Variants in FRYL observed in about 807,000 individuals in gnomAD.
FRYL encodes FRY like transcription coactivator.
In FRYL, 150 loss-of-function variants were observed where a neutral mutation model predicts 351.2. That is an observed-to-expected ratio of 0.43 (90% CI 0.37 to 0.49). The LOEUF (loss-of-function observed/expected upper bound fraction) is 0.49. Among genes scored for constraint, FRYL ranks in the 20% least tolerant of loss-of-function variants. The pLI is 0.00. For synonymous variants in FRYL, 1,153 were observed against 1,257.1 expected (o/e 0.92, Z 1.75); for missense variants, 3,036 against 3,619.3 (o/e 0.84, Z 4.13).
intron 1 of FRYL, among the ~76,000 whole-genome samples, chr4:48,715,150 A>T (rs965986846): frequency 2.6e-5 from 4 of 151,936 alleles, no homozygotes; most frequent in African/African-American, 9.7e-5. Flanking sequence ...TCTATGACAA[A>T]CCCACAGCCC....
chr4:48,549,442 C>A lies in FRYL; in HGVS notation c.4784+31G>T. 2 of 1,576,936 alleles carry A rather than the reference C, an allele frequency of 1.3e-6. No homozygotes were observed. The highest frequency in any genetic ancestry group is 8.6e-7 in the Non-Finnish European group (1 of 1,158,408). ...GACAGTGTTCAGCAGCAACTTGGTG[C>A]ATATGTAAAAGGAATGACGCTGTAG... On this transcript the variant is annotated intron_variant, in intron 39 of 63. Coordinates refer to ENST00000358350, the MANE Select transcript of FRYL (RefSeq NM_015030.2). The surrounding 1 kb of genome is among the most constrained non-coding windows in gnomAD (Gnocchi z 4.2).
Position 48,500,190 on chromosome 4 carries a change from G to T in FRYL, c.8623C>A (p.Leu2875Met), listed in dbSNP as rs1368450219. Reference sequence around the variant, plus strand: ...TCAGCTTCTTTGAGGATACTTTCCAGTTGGGCAAGTTCCTCTGACATGTTG... The same window carrying T: ...TCAGCTTCTTTGAGGATACTTTCCATTTGGGCAAGTTCCTCTGACATGTTG... Reference protein sequence around the residue: ...VINMSEELAQLESILKEAESA... With the variant: ...VINMSEELAQMESILKEAESA... Residue 2875 changes from leucine (L) to methionine (M), a missense_variant, in exon 63 of 64, where the codon CTG (leucine) becomes ATG (methionine). This residue lies in a region of FRYL where 1,987 missense variants were observed against 2,311.7 expected (regional missense o/e 0.86). Transcript: ENST00000358350. The T allele has an allele frequency of 6.3e-7, 1 of 1,591,468 alleles. No homozygotes were observed. The highest frequency in any genetic ancestry group is 2.3e-5 in the East Asian group (1 of 44,306).
In FRYL at chr4:48,606,490, C is replaced by G; in HGVS notation, c.689G>C (p.Arg230Pro). Reference protein sequence around the residue: ...ISLIMGMKFFRVKMYPVEDFE... With the variant: ...ISLIMGMKFFPVKMYPVEDFE... ...ATCTTCTACAGGATACATTTTTACTCGAAAAAATTTCATTCCCATTATTAA... is the reference window on the plus strand; with the variant it reads ...ATCTTCTACAGGATACATTTTTACTGGAAAAAATTTCATTCCCATTATTAA... The change falls in exon 10 of 64, where the codon CGA becomes CCA. Residue 230 changes from arginine (R) to proline (P), a missense_variant. Arg to Pro is a moderately radical substitution (Grantham distance 103). Transcript: ENST00000358350. The G allele has an allele frequency of 6.2e-7, 1 of 1,612,316 alleles. No homozygotes were observed. Among genetic ancestry groups the G allele is most frequent in the Non-Finnish European group, 8.5e-7 (1 of 1,178,764 alleles).
intron 57 of FRYL, among the ~76,000 whole-genome samples, chr4:48,511,616 C>T (rs538224726): frequency 6.4e-4 from 98 of 152,144 alleles, no homozygotes; most frequent in Non-Finnish European, 9.1e-4. Context: ...AGCATAAATC[C>T]GCACTTTCAG....
rs777244116 is a variant in FRYL, at chr4:48,567,317, A to C, written c.3100T>G (p.Ser1034Ala). 6.2e-7 allele frequency: 1 copy of C among 1,613,042 alleles called. No homozygotes were observed. The highest frequency in any genetic ancestry group is 8.5e-7 in the Non-Finnish European group (1 of 1,179,424). Residue 1034 changes from serine to alanine, a missense_variant, in exon 28 of 64, where the codon TCT (serine) becomes GCT (alanine). Transcript: ENST00000358350. The surrounding 1 kb of genome is among the most constrained non-coding windows in gnomAD (Gnocchi z 4.2). ...QLLEAENEKD[S>A]DTLKDIRCHF... is the part of the protein sequence containing the mutation. ...CATCGTATATCCTTCAGTGTGTCAGAGTCTTTTTCATTTTCTGCTTCCAGG... is the reference window on the plus strand; with the variant it reads ...CATCGTATATCCTTCAGTGTGTCAGCGTCTTTTTCATTTTCTGCTTCCAGG...
intron 19 of FRYL, among the ~76,000 whole-genome samples, chr4:48,583,067 G>T (rs1342649431): frequency 6.6e-6 from 1 of 151,844 alleles, no homozygotes; most frequent in African/African-American, 2.4e-5. Flanking sequence ...AATCAAAAAT[G>T]ATATCTAATC....
At chr4:48,745,970 A>T (rs1025101978) in intron 1 of FRYL, among the ~76,000 whole-genome samples, 22 of 152,206 alleles carry the variant, frequency 1.4e-4, no homozygotes, top group East Asian at 5.8e-4. Flanking sequence ...AAATAAAAAA[A>T]ATATATATGG....
At chr4:48,508,969 C>G (rs1721893942) in intron 59 of FRYL, among the ~76,000 whole-genome samples, 1 of 152,130 alleles carries the variant, frequency 6.6e-6, no homozygotes, top group Admixed American at 6.6e-5. Flanking sequence ...ATGGGAAGAA[C>G]AGCAAAGTCA....
At chr4:48,570,388 T>C (rs1258225887) in intron 27 of FRYL, among the ~76,000 whole-genome samples, 2 of 152,214 alleles carry the variant, frequency 1.3e-5, no homozygotes, top group African/African-American at 2.4e-5. Context: ...CCTGGCAGGA[T>C]AGATAGCAAG....
At chr4:48,647,912 C>T (rs1263758788) in intron 3 of FRYL, among the ~76,000 whole-genome samples, 2 of 152,150 alleles carry the variant, frequency 1.3e-5, no homozygotes, top group Admixed American at 6.5e-5. Context: ...TCAACAGATA[C>T]ATTTCTGAAA....
intron 55 of FRYL, among the ~76,000 whole-genome samples, chr4:48,516,513 C>G (rs141587120): frequency 3.3e-5 from 5 of 152,216 alleles, no homozygotes; most frequent in Middle Eastern, 6.8e-3. Flanking sequence ...GTATTTGGAC[C>G]TAAGTTACTT....
intron 3 of FRYL, among the ~76,000 whole-genome samples, chr4:48,641,674 A>G (rs1420609176): frequency 1.3e-5 from 2 of 152,198 alleles, no homozygotes; most frequent in African/African-American, 4.8e-5. Flanking sequence ...CAGCACTGGA[A>G]CACAAACTTG....
At chr4:48,701,234 G>A (rs1363037967) in intron 2 of FRYL, among the ~76,000 whole-genome samples, 1 of 152,046 alleles carries the variant, frequency 6.6e-6, no homozygotes, top group Non-Finnish European at 1.5e-5. Flanking sequence ...TGTATTAGGA[G>A]ACAAAAACAA....
intron 33 of FRYL, among the ~76,000 whole-genome samples, chr4:48,561,240 G>A (rs895981916): frequency 3.3e-5 from 5 of 152,076 alleles, no homozygotes; most frequent in African/African-American, 1.2e-4. Flanking sequence ...AGTAGGGAGC[G>A]AAGGGAAGGT....
At chr4:48,609,714 G>A in intron 8 of FRYL, 30 bp downstream of exon 8, 1 of 1,155,900 alleles carries the variant, frequency 8.7e-7, no homozygotes, top group Non-Finnish European at 1.3e-6. Flanking sequence ...GCAAAAAAAG[G>A]CAACAATCCC....
intron 53 of FRYL, among the ~76,000 whole-genome samples, chr4:48,526,031 TTAG>T (rs1373770904): frequency 1.3e-5 from 2 of 152,054 alleles, no homozygotes; most frequent in Non-Finnish European, 1.5e-5. Context: ...GAGCTGTATA[TTAG>T]TAGTACATGT....
chr4:48,766,797 T>C (rs1774992960), intron 1 of FRYL, among the ~76,000 whole-genome samples: 2 of 152,052 alleles, frequency 1.3e-5, no homozygotes, highest in South Asian at 2.1e-4. Context: ...AAAGGCTTAA[T>C]TCTTTACACC....
chr4:48,674,380 G>A (rs1763212252), intron 3 of FRYL, among the ~76,000 whole-genome samples: 1 of 152,054 alleles, frequency 6.6e-6, no homozygotes, highest in Non-Finnish European at 1.5e-5. Context: ...ACAGTCTAAG[G>A]ATATTTAAGC....
intron 2 of FRYL, among the ~76,000 whole-genome samples, chr4:48,708,179 T>TGAGGCAGGAGAATCGCTTG (rs1166985731): frequency 6.6e-6 from 1 of 151,560 alleles, no homozygotes; most frequent in African/African-American, 2.4e-5. Flanking sequence ...CTCAGGAGGC[T>TGAGGCAGGAGAATCGCTTG]GAGGCAGGAG....
Sources: allele counts gnomAD v4.1 joint callset (sites outside exome capture counted in the v4.1 genomes callset), GRCh38; gene constraint gnomAD v4.1.1; regional missense constraint gnomAD v4.1.1; non-coding constraint Gnocchi (gnomAD v3.1); transcripts MANE v1.5; gene names NCBI Gene and HGNC (gene_info 2026-07-23, HGNC 2026-07-21).